Variants in COL25A1 observed in about 807,000 individuals in gnomAD.
COL25A1 encodes the protein collagen type XXV alpha 1 chain, also known as collagen alpha-1(XXV) chain.
Under a neutral mutation model 128.4 loss-of-function variants are expected in COL25A1, and 103 were observed. The ratio of observed to expected loss-of-function variants is 0.80; its 90% confidence interval spans 0.68 to 0.94. The LOEUF is 0.94. COL25A1 is among the 40% of genes least tolerant of loss of function. The pLI, the probability that COL25A1 is intolerant of heterozygous loss-of-function variation, is 0.00. For synonymous variants in COL25A1, 279 were observed against 277.2 expected, an observed-to-expected ratio of 1.01 and a Z score of -0.06; for missense variants, 745 against 840.0, an observed-to-expected ratio of 0.89 and a Z score of 1.40.
At chr4:109,170,493 AAACAAC>A (rs1056713598) in intron 3 of COL25A1, among the ~76,000 whole-genome samples, 4 of 152,104 alleles carry the variant, frequency 2.6e-5, no homozygotes, top group Admixed American at 6.6e-5. Flanking sequence ...CTGATTAATA[AAACAAC>A]AACAACAACA....
intron 35 of COL25A1, among the ~76,000 whole-genome samples, chr4:108,822,043 A>ATTTTTTTTTT (rs10567518): frequency 0.06 from 5,354 of 88,754 alleles, 631 homozygotes; most frequent in African/African-American, 0.18. Flanking sequence ...CCTAATGGTA[A>ATTTTTTTTTT]TTTTTTTTTT....
At chr4:108,987,822 C>G (rs1273383640) in intron 6 of COL25A1, among the ~76,000 whole-genome samples, 1 of 152,180 alleles carries the variant, frequency 6.6e-6, no homozygotes, top group Non-Finnish European at 1.5e-5. Flanking sequence ...CCCCCATAAG[C>G]TCACAATCTC....
intron 8 of COL25A1, among the ~76,000 whole-genome samples, chr4:108,957,788 G>T (rs1448069852): frequency 6.6e-6 from 1 of 152,128 alleles, no homozygotes; most frequent in African/African-American, 2.4e-5. Context: ...TATAAGAAAA[G>T]GTTTGATGAG....
chr4:109,246,896 G>C (rs956540178), intron 3 of COL25A1, among the ~76,000 whole-genome samples: 3 of 152,120 alleles, frequency 2.0e-5, no homozygotes, highest in Non-Finnish European at 4.4e-5. Flanking sequence ...TGGAATGCAA[G>C]GTAGGTTCAG....
At chr4:109,049,479 A>G (rs1364756893) in intron 4 of COL25A1, among the ~76,000 whole-genome samples, 1 of 152,258 alleles carries the variant, frequency 6.6e-6, no homozygotes, top group South Asian at 2.1e-4. Context: ...GTCCTGAAGT[A>G]GGAATCAGGA....
chr4:109,257,465 G>C (rs1044634147), intron 3 of COL25A1, among the ~76,000 whole-genome samples: 7 of 152,182 alleles, frequency 4.6e-5, no homozygotes, highest in African/African-American at 1.7e-4. Context: ...AAGGTAGGCA[G>C]AGTTCCCATC....
chr4:108,825,818 T>C (rs1262994475), intron 33 of COL25A1, among the ~76,000 whole-genome samples: 5 of 152,226 alleles, frequency 3.3e-5, no homozygotes, highest in Non-Finnish European at 7.3e-5. Flanking sequence ...AGGCTGCAAC[T>C]TAAAAGCTGT....
intron 3 of COL25A1, among the ~76,000 whole-genome samples, chr4:109,252,286 C>T (rs1780710551): frequency 6.6e-6 from 1 of 152,214 alleles, no homozygotes; most frequent in African/African-American, 2.4e-5. Flanking sequence ...GGCGCCATAT[C>T]AGGGACTAAG....
In COL25A1 at chr4:109,004,810, T is replaced by C. The variant is rs142626858; in HGVS notation, c.438+5548A>G. The stretch of plus-strand genomic sequence containing the variant: ...GCTTCCTGTAAAGCCTGCAGTACCG[T>C]GAGCCAGTTATATCTCTTCTGTTTA... On this transcript the variant is annotated intron_variant, in intron 6 of 37. Coordinates refer to ENST00000399132, the MANE Select transcript of COL25A1 (RefSeq NM_198721.4). Among the ~76,000 whole-genome samples, 733 of 152,306 alleles carry C rather than the reference T, an allele frequency of 4.8e-3. 17 individuals carry two copies. In the East Asian group the frequency reaches 0.065, roughly 14 times the overall value.
intron 5 of COL25A1, among the ~76,000 whole-genome samples, chr4:109,041,715 T>C (rs1025986849): frequency 1.3e-5 from 2 of 152,098 alleles, no homozygotes; most frequent in South Asian, 2.1e-4. Flanking sequence ...ATATAAATCA[T>C]AGAATTCTAA....
Position 109,064,585 on chromosome 4 carries a change from G to A in COL25A1, c.368-14406C>T, listed in dbSNP as rs564262545. Among the ~76,000 whole-genome samples the A allele has an allele frequency of 6.6e-5, 10 of 152,236 alleles. No individual in the cohort carries two copies. In the South Asian group the frequency reaches 2.1e-3, roughly 32 times the overall value. On this transcript the variant is annotated intron_variant, in intron 3 of 37. Transcript: ENST00000399132. ...GTGATTTAATTCAGAATTTTCATCA[G>A]TTGAATATTGATTTGAATCATTCCT...
chr4:109,114,265 T>C (rs1433549205), intron 3 of COL25A1, among the ~76,000 whole-genome samples: 1 of 152,102 alleles, frequency 6.6e-6, no homozygotes, highest in Non-Finnish European at 1.5e-5. Flanking sequence ...TTTAATTATG[T>C]GCTGGCAATA....
intron 3 of COL25A1, among the ~76,000 whole-genome samples, chr4:109,179,002 T>C (rs891916984): frequency 9.2e-5 from 14 of 151,994 alleles, no homozygotes; most frequent in Non-Finnish European, 1.5e-4. Flanking sequence ...AGTAGGAATA[T>C]ATTCATTTAA....
At chr4:108,897,804 T>C (rs966334126) in intron 15 of COL25A1, among the ~76,000 whole-genome samples, 8 of 152,210 alleles carry the variant, frequency 5.3e-5, no homozygotes, top group Non-Finnish European at 1.0e-4. Flanking sequence ...AGGCAGACTT[T>C]CACTTTTTTC....
At chr4:109,272,899 T>A (rs564115835) in intron 3 of COL25A1, among the ~76,000 whole-genome samples, 1 of 152,130 alleles carries the variant, frequency 6.6e-6, no homozygotes, top group African/African-American at 2.4e-5. Flanking sequence ...AAGGCCTCCA[T>A]GGCTGGGTAT....
chr4:109,268,213 G>T (rs752640235), intron 3 of COL25A1, among the ~76,000 whole-genome samples: 1 of 152,142 alleles, frequency 6.6e-6, no homozygotes, highest in Non-Finnish European at 1.5e-5. Flanking sequence ...AAATTTGGGC[G>T]ACTGAAGAAT....
In COL25A1 at chr4:109,143,599, G is replaced by A. The variant is rs186488409; in HGVS notation, c.368-93420C>T. The stretch of plus-strand genomic sequence containing the variant: ...TCCCATATTTTTGGAGGCTTTCTTC[G>A]TTCCTTTCCATTCTTTTTTCTCTAA... On this transcript the variant is annotated intron_variant, in intron 3 of 37. Coordinates refer to ENST00000399132, the MANE Select transcript of COL25A1 (RefSeq NM_198721.4). 3.0e-3 allele frequency among the ~76,000 whole-genome samples: 450 copies of A among 152,052 alleles called. 3 individuals are homozygous for A. The highest frequency in any genetic ancestry group is 0.017 in the Middle Eastern group (5 of 294).
At position 109,231,122 on chromosome 4, in the gene COL25A1, A is replaced by G. The variant is rs557962510; in HGVS notation, c.367+69461T>C. Among the ~76,000 whole-genome samples the G allele has an allele frequency of 6.6e-5, 10 of 152,260 alleles. No individual in the cohort carries two copies. The South Asian group carries it at 1.7e-3, about 25-fold the overall frequency. ...TGCCACTGCACTCCAGCCTGGGAAC[A>G]GAAGCGAGACTCCATCTCAAAAAAA... On this transcript the variant is annotated intron_variant, in intron 3 of 37. Coordinates refer to ENST00000399132, the MANE Select transcript of COL25A1 (RefSeq NM_198721.4).
intron 8 of COL25A1, among the ~76,000 whole-genome samples, chr4:108,945,768 A>G (rs1313818338): frequency 6.6e-6 from 1 of 152,044 alleles, no homozygotes; most frequent in Non-Finnish European, 1.5e-5. Context: ...GGTTCAAGCA[A>G]TTCTCCTGCC....
Sources: gnomAD v4.1 joint callset for allele counts (sites outside exome capture counted in the v4.1 genomes callset) on GRCh38, gnomAD v4.1.1 for gene constraint, MANE v1.5 for transcripts, NCBI Gene and HGNC (gene_info 2026-07-23, HGNC 2026-07-21) for gene names.